The following SNTG1 variants were observed in gnomAD, a reference collection of about 807,000 sequenced individuals.
The protein encoded by SNTG1 is syntrophin gamma 1.
A neutral mutation model predicts 74.7 loss-of-function variants in SNTG1; 39 were observed. That is an observed-to-expected ratio of 0.52 (90% CI 0.40 to 0.68). SNTG1 has a LOEUF of 0.68. SNTG1 is among the 30% of genes least tolerant of loss of function. The pLI is 0.00. For missense variants in SNTG1, 685 were observed against 609.5 expected, an observed-to-expected ratio of 1.12 and a Z score of -1.30; for synonymous variants, 254 against 217.1, an observed-to-expected ratio of 1.17 and a Z score of -1.49.
chr8:49,979,878 A>G (rs1319086053), intron 1 of SNTG1, among the ~76,000 whole-genome samples: 1 of 152,216 alleles, frequency 6.6e-6, no homozygotes, highest in Non-Finnish European at 1.5e-5. Context: ...GGTTATTTAT[A>G]TCTTCAGATT....
rs2093880869 is a variant in SNTG1, at chr8:50,493,903, T to A, written c.364-8875T>A. 2.0e-5 allele frequency among the ~76,000 whole-genome samples: 3 copies of A among 151,868 alleles called. No homozygotes were observed. In the South Asian group the frequency reaches 6.2e-4, roughly 31 times the overall value. On this transcript the variant is annotated intron_variant, in intron 8 of 18. Coordinates refer to ENST00000642720, the MANE Select transcript of SNTG1 (RefSeq NM_018967.5). ...TATCTCCATTATTTTTCAACAAATTTGATGAGTTCCAGCAAATACAGGTAA... is the reference window on the plus strand; with the variant it reads ...TATCTCCATTATTTTTCAACAAATTAGATGAGTTCCAGCAAATACAGGTAA...
chr8:50,423,675 T>G (rs1318276355), intron 4 of SNTG1, among the ~76,000 whole-genome samples: 1 of 152,124 alleles, frequency 6.6e-6, no homozygotes, highest in Non-Finnish European at 1.5e-5. Flanking sequence ...TTCAAATAAA[T>G]CAGTAAATTA....
intron 2 of SNTG1, among the ~76,000 whole-genome samples, chr8:50,178,224 T>C (rs1563700865): frequency 6.6e-6 from 1 of 152,194 alleles, no homozygotes; most frequent in Non-Finnish European, 1.5e-5. Context: ...GTAAGCTCTG[T>C]AGGGAATTGC....
chr8:50,341,425 G>A (rs568568158), intron 2 of SNTG1, among the ~76,000 whole-genome samples: 13 of 151,886 alleles, frequency 8.6e-5, no homozygotes, highest in Admixed American at 8.5e-4. Context: ...TCATTTCTAT[G>A]TATAATAGTG....
chr8:50,669,926 A>G (rs2095271205), intron 15 of SNTG1, among the ~76,000 whole-genome samples: 1 of 152,176 alleles, frequency 6.6e-6, no homozygotes, highest in Admixed American at 6.5e-5. Flanking sequence ...TAGAAACAGA[A>G]CCAAAGACAA....
intron 1 of SNTG1, among the ~76,000 whole-genome samples, chr8:50,090,994 G>A (rs1056618268): frequency 2.6e-5 from 4 of 152,132 alleles, no homozygotes; most frequent in East Asian, 3.9e-4. Flanking sequence ...GTAAAGAGAT[G>A]AGGAGTGCTC....
At position 50,591,431 on chromosome 8, in the gene SNTG1, A is replaced by T. The variant is rs578185461; in HGVS notation, c.849+514A>T. The stretch of plus-strand genomic sequence containing the variant: ...TATCTATGATAGCTATTTATAAATG[A>T]TACATAAATTACAAATTAATTTTAA... On this transcript the variant is annotated intron_variant, in intron 13 of 18. Coordinates refer to ENST00000642720, the MANE Select transcript of SNTG1 (RefSeq NM_018967.5). 1.0e-3 allele frequency among the ~76,000 whole-genome samples: 156 copies of T among 152,274 alleles called. 1 individual carries two copies. The highest frequency in any genetic ancestry group is 3.6e-3 in the African/African-American group (150 of 41,570).
At chr8:50,136,952 C>T (rs1454634619) in intron 1 of SNTG1, among the ~76,000 whole-genome samples, 2 of 151,858 alleles carry the variant, frequency 1.3e-5, no homozygotes, top group Non-Finnish European at 2.9e-5. Context: ...AGTAGGTTTT[C>T]ATCAAGCAGA....
chr8:50,659,784 A>G (rs527823387), intron 15 of SNTG1, among the ~76,000 whole-genome samples: 49 of 152,294 alleles, frequency 3.2e-4, no homozygotes, highest in African/African-American at 1.2e-3. Flanking sequence ...ATCTGAGGAA[A>G]AGGAGATCAT....
chr8:50,436,078 G>T (rs779982915), intron 4 of SNTG1, among the ~76,000 whole-genome samples: 1 of 152,096 alleles, frequency 6.6e-6, no homozygotes, highest in East Asian at 1.9e-4. Flanking sequence ...TAGGCAAAAC[G>T]CTCTACAAAA....
intron 1 of SNTG1, among the ~76,000 whole-genome samples, chr8:49,998,022 C>T (rs1190555867): frequency 6.6e-6 from 1 of 152,156 alleles, no homozygotes; most frequent in East Asian, 1.9e-4. Context: ...GCCTACTGTA[C>T]ACCTGGTCTA....
chr8:50,248,631 G>A (rs2086504338), intron 2 of SNTG1, among the ~76,000 whole-genome samples: 1 of 152,162 alleles, frequency 6.6e-6, no homozygotes, highest in South Asian at 2.1e-4. Flanking sequence ...TCTTTGAAAT[G>A]AGTAACTCTA....
At chr8:50,598,629 T>G (rs2094749039) in intron 13 of SNTG1, among the ~76,000 whole-genome samples, 1 of 152,038 alleles carries the variant, frequency 6.6e-6, no homozygotes, top group Admixed American at 6.6e-5. Context: ...CATTGTCATT[T>G]GATAAGGATT....
At chr8:50,269,982 C>A (rs1294638069) in intron 2 of SNTG1, among the ~76,000 whole-genome samples, 1 of 152,086 alleles carries the variant, frequency 6.6e-6, no homozygotes, top group African/African-American at 2.4e-5. Flanking sequence ...GTTTTTAATT[C>A]TTGTTTAATC....
chr8:50,503,525 C>T (rs1042755348), intron 9 of SNTG1, among the ~76,000 whole-genome samples: 3 of 152,124 alleles, frequency 2.0e-5, no homozygotes, highest in Non-Finnish European at 4.4e-5. Context: ...TAAAACTGTT[C>T]CCAGTAAATA....
At position 49,938,603 on chromosome 8, in the gene SNTG1, T is replaced by TTTTTTTTCTTTTCTTTC. The variant is rs1554524905; in HGVS notation, c.-103+26375_-103+26376insTTTTCTTTTCTTTCTTT. Among the ~76,000 whole-genome samples, 81 of 74,764 alleles carry TTTTTTTTCTTTTCTTTC rather than the reference T, an allele frequency of 1.1e-3. 8 individuals are homozygous for TTTTTTTTCTTTTCTTTC. The highest frequency in any genetic ancestry group is 6.5e-3 in the Middle Eastern group (1 of 154). 49.0% of individuals were successfully genotyped at this position (74,764 alleles called of 152,430 possible). A position where few individuals can be genotyped will look rare whatever the true frequency, so the allele number is the denominator to read the frequency against. On this transcript the variant is annotated intron_variant, in intron 1 of 18. Transcript: ENST00000642720. ...TTTTCTTTTCTTTTCTTTTCTTTTCTTTTCTTTCTTTCTTTCTTTCTTTCT... is the reference window on the plus strand; with the variant it reads ...TTTTCTTTTCTTTTCTTTTCTTTTCTTTTTTTTCTTTTCTTTCTTTCTTTCTTTCTTTCTTTCTTTCT...
At position 50,794,268 on chromosome 8, in the gene SNTG1, A is replaced by C. The variant is rs1053574018; in HGVS notation, c.*1439A>C. 3.9e-4 allele frequency: 59 copies of C among 152,044 alleles called. No homozygotes were observed. The highest frequency in any genetic ancestry group is 1.2e-3 in the African/African-American group (51 of 41,546). 9.4% of individuals were successfully genotyped at this position (152,044 alleles called of 1,614,324 possible). ...TAAAAATCACTCAAGAAGGAAACAA[A>C]GTGATTTCTATAAAGGACAGATTTA... On this transcript the variant is annotated 3_prime_UTR_variant, in exon 19 of 19. Transcript: ENST00000642720.
At chr8:50,634,074 G>A (rs1563673823) in intron 13 of SNTG1, among the ~76,000 whole-genome samples, 1 of 152,194 alleles carries the variant, frequency 6.6e-6, no homozygotes, top group Non-Finnish European at 1.5e-5. Context: ...TGTCCACTGG[G>A]CTGCCGCAGC....
At position 50,369,135 on chromosome 8, in the gene SNTG1, C is replaced by G. The variant is rs532612742; in HGVS notation, c.-27-25077C>G. 2.0e-4 allele frequency among the ~76,000 whole-genome samples: 30 copies of G among 152,178 alleles called. 1 individual carries two copies. In the South Asian group the frequency reaches 6.2e-3, roughly 32 times the overall value. On this transcript the variant is annotated intron_variant, in intron 2 of 18. Coordinates refer to ENST00000642720, the MANE Select transcript of SNTG1 (RefSeq NM_018967.5). Reference sequence around the variant, plus strand: ...GATAAGAACATGGATTTGGGGGAACCAAGGGAAGAATTCTATGAGCTGAAC... The same window carrying G: ...GATAAGAACATGGATTTGGGGGAACGAAGGGAAGAATTCTATGAGCTGAAC...
Sources: gnomAD v4.1 joint callset for allele counts (sites outside exome capture counted in the v4.1 genomes callset) on GRCh38, gnomAD v4.1.1 for gene constraint, MANE v1.5 for transcripts, NCBI Gene and HGNC (gene_info 2026-07-23, HGNC 2026-07-21) for gene names.